NEBL: variants seen among roughly 807,000 people sequenced by gnomAD.
NEBL encodes nebulette, also known as LIM and SH3 protein 2.
In NEBL, 122 loss-of-function variants were observed where a neutral mutation model predicts 140.2. That is an observed-to-expected ratio of 0.87 (90% CI 0.75 to 1.01). The LOEUF (loss-of-function observed/expected upper bound fraction) is 1.01. NEBL is among the 50% of genes least tolerant of loss of function. The pLI, the probability that NEBL is intolerant of heterozygous loss-of-function variation, is 0.00. For missense variants in NEBL, 1,365 were observed against 1,231.3 expected (o/e 1.11, Z -1.62); for synonymous variants, 436 against 398.9 (o/e 1.09, Z -1.11).
intron 26 of NEBL, among the ~76,000 whole-genome samples, chr10:20,789,082 G>A (rs538424350): frequency 1.3e-5 from 2 of 152,156 alleles, no homozygotes; most frequent in East Asian, 1.9e-4. Flanking sequence ...CTGGAGCACC[G>A]AGGGTCTTGG....
At chr10:20,798,935 C>T (rs954194583) in intron 26 of NEBL, among the ~76,000 whole-genome samples, 2 of 152,108 alleles carry the variant, frequency 1.3e-5, no homozygotes, top group Admixed American at 6.6e-5. Flanking sequence ...TCTTTCATTC[C>T]ATTTCTATTG....
At chr10:20,849,912 G>A (rs1842340242) in intron 11 of NEBL, among the ~76,000 whole-genome samples, 1 of 151,960 alleles carries the variant, frequency 6.6e-6, no homozygotes, top group Admixed American at 6.6e-5. Flanking sequence ...TCATTACTTT[G>A]AGGACTAAAT....
At chr10:21,235,573 C>T (rs1391570270) in intron 3 of NEBL, among the ~76,000 whole-genome samples, 1 of 152,140 alleles carries the variant, frequency 6.6e-6, no homozygotes, top group Admixed American at 6.6e-5. Context: ...CCTCAGCCTC[C>T]CAAAGTGCTG....
chr10:21,113,610 T>G (rs187262422), intron 2 of NEBL, among the ~76,000 whole-genome samples: 1 of 152,254 alleles, frequency 6.6e-6, no homozygotes, highest in Admixed American at 6.5e-5. Context: ...TTCCTTACCA[T>G]GTTTGATAAA....
chr10:20,832,441 C>A (rs1352947261), intron 14 of NEBL, among the ~76,000 whole-genome samples: 1 of 151,324 alleles, frequency 6.6e-6, no homozygotes, highest in Non-Finnish European at 1.5e-5. Flanking sequence ...TTTTTTTAAG[C>A]CAGTGGGAAA....
At chr10:21,172,528 C>T in intron 1 of NEBL, 1 of 1,391,830 alleles carries the variant, frequency 7.2e-7, no homozygotes, top group Non-Finnish European at 1.0e-6. Flanking sequence ...CCAGTTCTCA[C>T]CAGGATGGGC....
chr10:20,834,958 C>T (rs1240406773), intron 14 of NEBL, among the ~76,000 whole-genome samples: 1 of 152,180 alleles, frequency 6.6e-6, no homozygotes, highest in Non-Finnish European at 1.5e-5. Context: ...GAAGAAAAAA[C>T]TGGTGTTATC....
intron 2 of NEBL, among the ~76,000 whole-genome samples, chr10:21,042,015 G>A (rs934973987): frequency 6.6e-6 from 1 of 152,156 alleles, no homozygotes; most frequent in Non-Finnish European, 1.5e-5. Flanking sequence ...GGTTTTGTCC[G>A]GCTTCTTTAC....
At chr10:21,012,537 T>C (rs1838381747) in intron 3 of NEBL, among the ~76,000 whole-genome samples, 2 of 151,714 alleles carry the variant, frequency 1.3e-5, no homozygotes, top group Admixed American at 1.3e-4. Context: ...TTTATTTTTA[T>C]TTGTTATTTT....
At chr10:21,156,588 C>G (rs552096566) in intron 2 of NEBL, among the ~76,000 whole-genome samples, 9 of 151,680 alleles carry the variant, frequency 5.9e-5, no homozygotes, top group Non-Finnish European at 1.3e-4. Flanking sequence ...CATAACTATG[C>G]TGCCTTCGTG....
At chr10:21,284,371 A>C (rs927482213) in intron 1 of NEBL, among the ~76,000 whole-genome samples, 1 of 152,064 alleles carries the variant, frequency 6.6e-6, no homozygotes, top group Non-Finnish European at 1.5e-5. Context: ...CACCGTCCCA[A>C]CTTGGCTCTT....
chr10:20,999,235 C>T (rs550990013), intron 3 of NEBL, among the ~76,000 whole-genome samples: 43 of 151,470 alleles, frequency 2.8e-4, no homozygotes, highest in African/African-American at 9.9e-4. Context: ...TTCCAACAAT[C>T]ATTTATTGAT....
Position 20,960,886 on chromosome 10 carries a change from G to T in NEBL, c.357+786C>A, listed in dbSNP as rs529821568. Among the ~76,000 whole-genome samples the T allele has an allele frequency of 1.2e-4, 19 of 152,166 alleles. No homozygotes were observed. The East Asian group carries it at 3.1e-3, about 25-fold the overall frequency. On this transcript the variant is annotated intron_variant, in intron 4 of 6. Coordinates refer to the NEBL transcript ENST00000417816. ...AAGTGACGCACAAAATACAGTTCTC[G>T]TGAAAAATGGTATGAGTGTTGCCTG...
intron 3 of NEBL, among the ~76,000 whole-genome samples, chr10:21,005,912 T>C (rs1222468284): frequency 1.3e-5 from 2 of 152,052 alleles, no homozygotes; most frequent in Admixed American, 6.5e-5. Context: ...CAAGAACCAA[T>C]GTTAGTAACC....
At chr10:21,064,337 C>G (rs1377965631) in intron 2 of NEBL, among the ~76,000 whole-genome samples, 3 of 152,098 alleles carry the variant, frequency 2.0e-5, no homozygotes, top group African/African-American at 7.2e-5. Flanking sequence ...CTGCAAAGCC[C>G]AGATAAGCTT....
intron 26 of NEBL, among the ~76,000 whole-genome samples, chr10:20,804,865 C>G (rs1837461666): frequency 6.6e-6 from 1 of 152,012 alleles, no homozygotes; most frequent in East Asian, 1.9e-4. Flanking sequence ...CATGATGTCA[C>G]CAGGGTTTCA....
chr10:20,928,683 T>C (rs1352293339), intron 4 of NEBL, among the ~76,000 whole-genome samples: 3 of 152,176 alleles, frequency 2.0e-5, no homozygotes, highest in Non-Finnish European at 4.4e-5. Flanking sequence ...GCCAACACTA[T>C]ACTTGTGCTT....
chr10:21,187,643 A>G (rs2132213368), intron 3 of NEBL, among the ~76,000 whole-genome samples: 1 of 152,078 alleles, frequency 6.6e-6, no homozygotes, highest in African/African-American at 2.4e-5. Context: ...CCTCCTGAGT[A>G]GCTGGGACTA....
Position 20,897,149 on chromosome 10 carries a change from C to T in NEBL, c.57G>A (p.Gly19=), listed in dbSNP as rs764290131. The change falls in exon 1 of 28, where the codon GGG becomes GGA. Residue 19 remains glycine (G), a synonymous_variant. Coordinates refer to ENST00000377122, the MANE Select transcript of NEBL (RefSeq NM_006393.3). ...CCTGGTCTTCTTCATTTTCTTCTTC[C>T]CCTATCTTTTCTTCTTCAGTTTCAT... is the stretch of plus-strand genomic sequence containing the variant. ...IKDETEEEKI[G]EEENEEDQVF... 2 of 1,605,576 alleles carry T rather than the reference C, an allele frequency of 1.2e-6. No homozygotes were observed. The highest frequency in any genetic ancestry group is 1.7e-5 in the Admixed American group (1 of 59,988).
Sources: gnomAD v4.1 joint callset for allele counts (sites outside exome capture counted in the v4.1 genomes callset) on GRCh38, gnomAD v4.1.1 for gene constraint, MANE v1.5 for transcripts, NCBI Gene and HGNC (gene_info 2026-07-23, HGNC 2026-07-21) for gene names.